Variants in CA1 observed in about 807,000 individuals in gnomAD.
The protein encoded by CA1 is carbonate dehydratase I.
Under a neutral mutation model 28.8 loss-of-function variants are expected in CA1, and 27 were observed. The ratio of observed to expected loss-of-function variants is 0.94; its 90% CI spans 0.69 to 1.29. CA1 has a LOEUF of 1.29. Among genes scored for constraint, CA1 ranks in the 50% most tolerant of loss-of-function variants. The probability of loss-of-function intolerance (pLI) is 0.00; values close to 1 mark genes in which losing one functional copy is unlikely to be tolerated. For synonymous variants in CA1, 121 were observed against 108.8 expected (o/e 1.11, Z -0.70); for missense variants, 335 against 310.5 (o/e 1.08, Z -0.59).
At chr8:85,338,197 T>A in intron 3 of CA1, 55 bp downstream of exon 3, 1 of 1,420,894 alleles carries the variant, frequency 7.0e-7, no homozygotes, top group Non-Finnish European at 1.0e-6. Context: ...CACTATTTTT[T>A]AAATTTTCCC....
chr8:85,331,375 G>T (rs1285687973), intron 6 of CA1, among the ~76,000 whole-genome samples: 1 of 150,616 alleles, frequency 6.6e-6, no homozygotes, highest in African/African-American at 2.4e-5. Context: ...CTTTTTTGTT[G>T]TTCTTCCAAA....
intron 1 of CA1, among the ~76,000 whole-genome samples, chr8:85,368,947 G>A (rs546011220): frequency 6.6e-6 from 1 of 152,096 alleles, no homozygotes; most frequent in South Asian, 2.1e-4. Context: ...AGGATTTTGG[G>A]GTCATGGGTT....
intron 1 of CA1, among the ~76,000 whole-genome samples, chr8:85,353,040 G>C (rs1352797698): frequency 6.6e-6 from 1 of 152,200 alleles, no homozygotes; most frequent in African/African-American, 2.4e-5. Flanking sequence ...CCAAGTCCCA[G>C]AGGGGAGAGT....
At chr8:85,353,815 A>G (rs1809500800) in intron 1 of CA1, among the ~76,000 whole-genome samples, 4 of 152,180 alleles carry the variant, frequency 2.6e-5, no homozygotes, top group Admixed American at 2.0e-4. Context: ...TTGTATATGG[A>G]GAGGACTGCT....
At chr8:85,342,607 T>A (rs538364116) in intron 1 of CA1, 10 of 152,406 alleles carry the variant, frequency 6.6e-5, no homozygotes, top group African/African-American at 2.4e-4. Flanking sequence ...TGAGAACTGA[T>A]GCCAACTGAA....
At chr8:85,357,458 G>A (rs888194580) in intron 1 of CA1, among the ~76,000 whole-genome samples, 4 of 152,136 alleles carry the variant, frequency 2.6e-5, no homozygotes, top group Admixed American at 6.5e-5. Flanking sequence ...GGATTGTGGC[G>A]AGGGTTAATG....
chr8:85,370,906 A>G (rs1404152689), intron 1 of CA1, among the ~76,000 whole-genome samples: 1 of 152,198 alleles, frequency 6.6e-6, no homozygotes, highest in East Asian at 1.9e-4. Context: ...TGTTAAATTT[A>G]CATTTGCATA....
intron 1 of CA1, among the ~76,000 whole-genome samples, chr8:85,366,256 T>A (rs188484909): frequency 3.4e-5 from 5 of 148,558 alleles, no homozygotes; most frequent in African/African-American, 1.2e-4. Flanking sequence ...CAAGTGATCC[T>A]CCCTCTTCGG....
At chr8:85,339,506 A>G (rs1282073799) in intron 2 of CA1, among the ~76,000 whole-genome samples, 1 of 152,292 alleles carries the variant, frequency 6.6e-6, no homozygotes, top group East Asian at 1.9e-4. Flanking sequence ...CCCTGAGACA[A>G]GAATATTGAA....
At chr8:85,369,139 C>G (rs1352934011) in intron 1 of CA1, among the ~76,000 whole-genome samples, 3 of 152,176 alleles carry the variant, frequency 2.0e-5, no homozygotes, top group Admixed American at 6.6e-5. Flanking sequence ...AACTGCGCAT[C>G]ATAACTGCAT....
At chr8:85,347,036 G>T (rs1473098704) in intron 1 of CA1, among the ~76,000 whole-genome samples, 1 of 152,120 alleles carries the variant, frequency 6.6e-6, no homozygotes. Flanking sequence ...TAATTACCTT[G>T]TAGTAACATC....
At chr8:85,341,753 C>T (rs1496532) in intron 1 of CA1, 94 bp from the exon 2 acceptor site, 421,100 of 735,138 alleles carry the variant, frequency 0.57, 122,850 homozygotes, top group Non-Finnish European at 0.6. Context: ...TAGAAACTTA[C>T]TTGCTTTTAA....
At chr8:85,339,615 G>T (rs1808831718) in intron 2 of CA1, among the ~76,000 whole-genome samples, 1 of 152,182 alleles carries the variant, frequency 6.6e-6, no homozygotes, top group Non-Finnish European at 1.5e-5. Context: ...AAATGATTAA[G>T]CTCAGTGAAG....
intron 1 of CA1, among the ~76,000 whole-genome samples, chr8:85,369,179 A>G (rs1333590382): frequency 1.3e-5 from 2 of 152,190 alleles, no homozygotes; most frequent in African/African-American, 2.4e-5. Flanking sequence ...TTTAAATAAC[A>G]TGTTTACTTT....
intron 1 of CA1, among the ~76,000 whole-genome samples, chr8:85,375,922 A>T (rs1810398121): frequency 6.6e-6 from 1 of 152,252 alleles, no homozygotes; most frequent in South Asian, 2.1e-4. Flanking sequence ...TGAACTGGAT[A>T]TAAAACATGT....
chr8:85,367,998 A>C (rs1437393090), intron 1 of CA1, among the ~76,000 whole-genome samples: 1 of 151,994 alleles, frequency 6.6e-6, no homozygotes, highest in African/African-American at 2.4e-5. Flanking sequence ...AATCTCACTT[A>C]TTTTCTTTTC....
intron 1 of CA1, among the ~76,000 whole-genome samples, chr8:85,371,303 G>C (rs564894788): frequency 1.3e-5 from 2 of 152,006 alleles, no homozygotes; most frequent in African/African-American, 4.8e-5. Context: ...TGATTCTGGC[G>C]CCCTAGGCTT....
chr8:85,363,265 A>G (rs1809869044), intron 1 of CA1, among the ~76,000 whole-genome samples: 1 of 152,266 alleles, frequency 6.6e-6, no homozygotes, highest in African/African-American at 2.4e-5. Flanking sequence ...TACCATTCAC[A>G]GGAGCACAGC....
chr8:85,341,332 T>G, intron 2 of CA1: 12 of 324,758 alleles, frequency 3.7e-5, no homozygotes, highest in East Asian at 5.1e-5. Context: ...TGCTTTCTTG[T>G]GATATTTGCT....
Sources: gnomAD v4.1 joint callset for allele counts (sites outside exome capture counted in the v4.1 genomes callset) on GRCh38, gnomAD v4.1.1 for gene constraint, MANE v1.5 for transcripts, NCBI Gene and HGNC (gene_info 2026-07-23, HGNC 2026-07-21) for gene names.